The following GRM7 variants were observed in gnomAD, a reference collection of about 807,000 sequenced individuals.
GRM7 encodes the protein glutamate metabotropic receptor 7.
Under a neutral mutation model 84.5 loss-of-function variants are expected in GRM7, and 35 were observed. The ratio of observed to expected loss-of-function variants is 0.41; its 90% CI spans 0.32 to 0.55. The LOEUF is 0.55. Among genes scored for constraint, GRM7 ranks in the 20% least tolerant of loss-of-function variants. GRM7 has a pLI of 0.19. For synonymous variants in GRM7, 487 were observed against 455.1 expected, an observed-to-expected ratio of 1.07 and a Z score of -0.89; for missense variants, 1,003 against 1,194.6, an observed-to-expected ratio of 0.84 and a Z score of 2.36.
intron 9 of GRM7, chr3:7,693,703 G>C: frequency 1.3e-6 from 2 of 1,484,638 alleles, no homozygotes; most frequent in Non-Finnish European, 1.8e-6. Flanking sequence ...GCAAGTATCT[G>C]TCCTTCTAAG....
intron 7 of GRM7, among the ~76,000 whole-genome samples, chr3:7,525,034 A>T (rs1356872808): frequency 6.7e-6 from 1 of 149,756 alleles, no homozygotes; most frequent in Non-Finnish European, 1.5e-5. Flanking sequence ...CAAACACCAC[A>T]TGTTCTCACT....
chr3:7,545,762 G>T (rs921683049), intron 7 of GRM7, among the ~76,000 whole-genome samples: 6 of 152,118 alleles, frequency 3.9e-5, no homozygotes, highest in Non-Finnish European at 7.4e-5. Context: ...TCTATTTCCT[G>T]ATCTGTGTGC....
At chr3:7,397,638 G>T (rs1312532607) in intron 4 of GRM7, among the ~76,000 whole-genome samples, 1 of 152,024 alleles carries the variant, frequency 6.6e-6, no homozygotes, top group Non-Finnish European at 1.5e-5. Flanking sequence ...ATTGCACATT[G>T]CATGCCCATA....
intron 1 of GRM7, among the ~76,000 whole-genome samples, chr3:7,037,408 A>G (rs1272473333): frequency 6.6e-6 from 1 of 152,176 alleles, no homozygotes; most frequent in Non-Finnish European, 1.5e-5. Flanking sequence ...TGGACACAGT[A>G]CTTAATCTGC....
intron 1 of GRM7, among the ~76,000 whole-genome samples, chr3:7,105,944 A>G (rs769097360): frequency 1.6e-4 from 25 of 151,852 alleles, no homozygotes; most frequent in Non-Finnish European, 3.2e-4. Context: ...TGGAATTTAT[A>G]TTGGTATTTA....
At chr3:6,925,591 T>C (rs1457182378) in intron 1 of GRM7, among the ~76,000 whole-genome samples, 1 of 152,210 alleles carries the variant, frequency 6.6e-6, no homozygotes, top group Non-Finnish European at 1.5e-5. Context: ...TCATCTCTTC[T>C]ATCATCTCAT....
chr3:7,390,666 T>C (rs1369042452), intron 4 of GRM7, among the ~76,000 whole-genome samples: 1 of 152,202 alleles, frequency 6.6e-6, no homozygotes, highest in Non-Finnish European at 1.5e-5. Flanking sequence ...AATTGTATTT[T>C]TAAATTCCTG....
intron 3 of GRM7, among the ~76,000 whole-genome samples, chr3:7,304,433 C>A (rs1037819063): frequency 1.4e-5 from 2 of 146,510 alleles, no homozygotes; most frequent in Non-Finnish European, 3.0e-5. Flanking sequence ...TCTTATATTT[C>A]GTGATGTGCT....
intron 1 of GRM7, among the ~76,000 whole-genome samples, chr3:7,114,941 C>G (rs9861555): frequency 0.026 from 3,964 of 152,192 alleles, 172 homozygotes; most frequent in African/African-American, 0.09. Flanking sequence ...ACCCCTTGCT[C>G]CTCTGCAAAT....
At chr3:7,304,183 A>C (rs1700105631) in intron 3 of GRM7, among the ~76,000 whole-genome samples, 1 of 152,096 alleles carries the variant, frequency 6.6e-6, no homozygotes, top group Admixed American at 6.5e-5. Flanking sequence ...GGAAAAATCT[A>C]ATAGAGCTAC....
At chr3:7,568,467 G>C (rs146471718) in intron 7 of GRM7, among the ~76,000 whole-genome samples, 1 of 152,242 alleles carries the variant, frequency 6.6e-6, no homozygotes, top group African/African-American at 2.4e-5. Flanking sequence ...CGCTCTCGGC[G>C]CCTCCTCGGC....
chr3:7,723,177 T>C (rs927746965), intron 9 of GRM7, among the ~76,000 whole-genome samples: 2 of 152,156 alleles, frequency 1.3e-5, no homozygotes, highest in Non-Finnish European at 2.9e-5. Context: ...AATACAGCAA[T>C]TCTCCAACAT....
intron 7 of GRM7, among the ~76,000 whole-genome samples, chr3:7,473,462 C>G: frequency 7.4e-6 from 1 of 135,290 alleles, no homozygotes; most frequent in South Asian, 2.4e-4. Flanking sequence ...CGCAACAGAG[C>G]AAGACTCTGT....
At chr3:7,260,845 G>A (rs149208045) in intron 2 of GRM7, among the ~76,000 whole-genome samples, 1 of 152,242 alleles carries the variant, frequency 6.6e-6, no homozygotes, top group African/African-American at 2.4e-5. Context: ...ACTTTTTAAC[G>A]TGGGTGTTTA....
chr3:6,899,107 C>T (rs542770535), intron 1 of GRM7, among the ~76,000 whole-genome samples: 5 of 152,156 alleles, frequency 3.3e-5, no homozygotes, highest in East Asian at 1.9e-4. Context: ...GTAATGAAGT[C>T]GGAAAACACA....
At chr3:7,023,809 T>C (rs6781223) in intron 1 of GRM7, among the ~76,000 whole-genome samples, 87,747 of 152,038 alleles carry the variant, frequency 0.58, 26,307 homozygotes, top group African/African-American at 0.74. Flanking sequence ...TTCACAGGTC[T>C]AACTTATCTT....
At position 7,546,698 on chromosome 3, in the gene GRM7, G is replaced by GTTT. The variant is rs553425076; in HGVS notation, c.1516-31715_1516-31713dup. 2.7e-5 allele frequency among the ~76,000 whole-genome samples: 4 copies of GTTT among 148,128 alleles called. No individual in the cohort carries two copies. In the South Asian group the frequency reaches 8.5e-4, roughly 32 times the overall value. On this transcript the variant is annotated intron_variant, in intron 7 of 9. Transcript: ENST00000357716. ...CTGAATGGATACAGAAAAGCCTAGA[G>GTTT]TTTTTTTTTTTCTTACAGACAAGCT...
At chr3:7,492,715 T>C (rs1450591761) in intron 7 of GRM7, among the ~76,000 whole-genome samples, 4 of 152,116 alleles carry the variant, frequency 2.6e-5, no homozygotes, top group Non-Finnish European at 5.9e-5. Context: ...GCTCTTAATA[T>C]TTCTTCTGTG....
chr3:7,183,191 G>A (rs1386376294), intron 2 of GRM7, among the ~76,000 whole-genome samples: 1 of 152,120 alleles, frequency 6.6e-6, no homozygotes. Context: ...GGATAAATTT[G>A]CATATCATGG....
Sources: allele counts gnomAD v4.1 joint callset (sites outside exome capture counted in the v4.1 genomes callset), GRCh38; gene constraint gnomAD v4.1.1; transcripts MANE v1.5; gene names NCBI Gene and HGNC (gene_info 2026-07-23, HGNC 2026-07-21).